BANP: variants seen among roughly 807,000 people sequenced by gnomAD.
The protein encoded by BANP is protein BANP.
BANP carries 11 observed loss-of-function variants against 68.1 expected under a neutral mutation model. The observed-to-expected ratio is 0.16, with a 90% CI of 0.10 to 0.27. The LOEUF is 0.27. Among genes scored for constraint, BANP ranks in the 10% least tolerant of loss-of-function variants. BANP has a pLI of 1.00. For missense variants in BANP, 504 were observed against 722.7 expected, an observed-to-expected ratio of 0.70 and a Z score of 3.47; for synonymous variants, 329 against 303.2, an observed-to-expected ratio of 1.09 and a Z score of -0.88.
At chr16:88,050,473 C>T (rs1286387195) in intron 11 of BANP, among the ~76,000 whole-genome samples, 1 of 152,136 alleles carries the variant, frequency 6.6e-6, no homozygotes, top group African/African-American at 2.4e-5. Context: ...TGGTTTTAAA[C>T]TAATAGCTGT....
intron 12 of BANP, 65 bp from the exon 13 acceptor site, chr16:88,072,004 A>T: frequency 6.5e-7 from 1 of 1,535,474 alleles, no homozygotes; most frequent in Non-Finnish European, 8.7e-7. Flanking sequence ...CTGTGGAGCC[A>T]TGTGGGTTGT....
At chr16:88,043,478 T>C (rs996724289) in intron 11 of BANP, among the ~76,000 whole-genome samples, 7 of 152,188 alleles carry the variant, frequency 4.6e-5, no homozygotes, top group African/African-American at 1.7e-4. Context: ...ACAATCCCTG[T>C]AGTGTTGGCT....
At chr16:88,033,734 C>G (rs561351667) in intron 9 of BANP, among the ~76,000 whole-genome samples, 118 of 152,342 alleles carry the variant, frequency 7.7e-4, no homozygotes, top group African/African-American at 2.7e-3. Context: ...TGGGCGGGCA[C>G]TGTCCCAGCA....
At chr16:87,987,285 G>T (rs768740073) in intron 4 of BANP, among the ~76,000 whole-genome samples, 20 of 152,134 alleles carry the variant, frequency 1.3e-4, no homozygotes, top group Non-Finnish European at 2.1e-4. Context: ...CGCCACATTA[G>T]CCAGGCTGGT....
At chr16:88,011,195 C>T (rs1355155740) in intron 6 of BANP, among the ~76,000 whole-genome samples, 3 of 152,174 alleles carry the variant, frequency 2.0e-5, no homozygotes, top group East Asian at 3.9e-4. Context: ...GGATACACAG[C>T]CTGTGCCCCG....
chr16:87,995,852 C>A (rs1001793268), intron 4 of BANP, among the ~76,000 whole-genome samples: 1 of 152,232 alleles, frequency 6.6e-6, no homozygotes, highest in Non-Finnish European at 1.5e-5. Context: ...GCGCGCCCGG[C>A]CTTGTTCATG....
chr16:88,027,341 C>G, intron 7 of BANP, 142 bp from the exon 8 acceptor site: 1 of 886,142 alleles, frequency 1.1e-6, no homozygotes. Flanking sequence ...CTTTCCAGAC[C>G]CTTGCAGGAA....
intron 12 of BANP, among the ~76,000 whole-genome samples, chr16:88,068,745 T>A (rs1420387499): frequency 6.6e-6 from 1 of 151,790 alleles, no homozygotes; most frequent in Non-Finnish European, 1.5e-5. Context: ...CCAGCCCCCT[T>A]TCCAAGTGCA....
chr16:87,979,109 C>G (rs935751598), intron 2 of BANP, among the ~76,000 whole-genome samples: 1 of 152,110 alleles, frequency 6.6e-6, no homozygotes, highest in African/African-American at 2.4e-5. Context: ...GATTCAGCAT[C>G]TTTAAGTTTC....
At chr16:88,075,152 C>T (rs1172701581) in intron 13 of BANP, among the ~76,000 whole-genome samples, 1 of 152,150 alleles carries the variant, frequency 6.6e-6, no homozygotes, top group East Asian at 1.9e-4. Flanking sequence ...TCGAGACCAG[C>T]CTGCTCAACC....
At chr16:88,074,981 G>A (rs745562582) in intron 13 of BANP, among the ~76,000 whole-genome samples, 8 of 152,144 alleles carry the variant, frequency 5.3e-5, no homozygotes, top group South Asian at 2.1e-4. Flanking sequence ...AGGCAGGGGC[G>A]TTGCTTGAGC....
chr16:87,973,753 CAAA>C (rs58334556), intron 1 of BANP, among the ~76,000 whole-genome samples: 2 of 99,496 alleles, frequency 2.0e-5, no homozygotes, highest in East Asian at 5.8e-4. Context: ...AACTCCATCA[CAAA>C]AAAAAAAAAA....
Position 87,993,096 on chromosome 16 carries a change from C to A in BANP, c.362+8837C>A, listed in dbSNP as rs150822881. 2.9e-4 allele frequency among the ~76,000 whole-genome samples: 44 copies of A among 152,314 alleles called. No homozygotes were observed. The Middle Eastern group carries it at 0.01, about 35-fold the overall frequency. ...TTGTCTCCTGACTAGATGGGGGTCA[C>A]GGGTTTTGGGGAGGGAGGACACGTA... is the stretch of plus-strand genomic sequence containing the variant. On this transcript the variant is annotated intron_variant, in intron 4 of 13. Coordinates refer to ENST00000682872, the MANE Select transcript of BANP (RefSeq NM_001386991.1).
At chr16:88,042,774 C>T (rs868315285) in intron 11 of BANP, among the ~76,000 whole-genome samples, 3 of 152,022 alleles carry the variant, frequency 2.0e-5, no homozygotes, top group South Asian at 4.2e-4. Context: ...AAATTAGCCA[C>T]GTCTGGTGGT....
chr16:87,995,083 C>T (rs917766882), intron 4 of BANP, among the ~76,000 whole-genome samples: 2 of 152,182 alleles, frequency 1.3e-5, no homozygotes, highest in African/African-American at 4.8e-5. Context: ...AAGGTGCATC[C>T]TGTTTTTAAA....
intron 9 of BANP, among the ~76,000 whole-genome samples, chr16:88,033,983 T>C (rs1190826280): frequency 6.6e-6 from 1 of 152,210 alleles, no homozygotes; most frequent in East Asian, 1.9e-4. Flanking sequence ...ATGTTTTTAG[T>C]GGCACCAGCC....
chr16:87,951,878 A>G (rs949755906), intron 1 of BANP, among the ~76,000 whole-genome samples: 6 of 152,140 alleles, frequency 3.9e-5, no homozygotes, highest in Admixed American at 2.6e-4. Flanking sequence ...GGAAAGGCCT[A>G]GAACCGCGCC....
chr16:87,951,654 C>T (rs1247751492), intron 1 of BANP, 139 bp downstream of exon 1: 5 of 148,636 alleles, frequency 3.4e-5, no homozygotes, highest in African/African-American at 1.2e-4. Context: ...GCCAACCGCC[C>T]GGGCCGGGCG....
At position 88,005,000 on chromosome 16, in the gene BANP, A is replaced by T. The variant is rs1290736397; in HGVS notation, c.479+589A>T. 6.6e-6 allele frequency among the ~76,000 whole-genome samples: 1 copy of T among 152,104 alleles called. No individual in the cohort carries two copies. The highest frequency in any genetic ancestry group is 2.4e-5 in the African/African-American group (1 of 41,414). ...CCTGGGGCTGCGTGAACCCCTGAGG[A>T]TGCTGTTGCTTTTTCTTTCCCATCT... On this transcript the variant is annotated intron_variant, in intron 5 of 13. Coordinates refer to ENST00000682872, the MANE Select transcript of BANP (RefSeq NM_001386991.1). The surrounding 1 kb of genome is among the most constrained non-coding windows in gnomAD (Gnocchi z 7.0).
Sources: gnomAD v4.1 joint callset for allele counts (sites outside exome capture counted in the v4.1 genomes callset) on GRCh38, gnomAD v4.1.1 for gene constraint, Gnocchi (gnomAD v3.1) non-coding constraint, MANE v1.5 for transcripts, NCBI Gene and HGNC (gene_info 2026-07-23, HGNC 2026-07-21) for gene names.